Variants in RTN4 observed in about 807,000 individuals in gnomAD.
RTN4 encodes reticulon-4.
A neutral mutation model predicts 90.4 loss-of-function variants in RTN4; 32 were observed. The ratio of observed to expected loss-of-function variants is 0.35; its 90% CI spans 0.27 to 0.48. The LOEUF (loss-of-function observed/expected upper bound fraction) is 0.48, where lower values mean the gene tolerates loss of function less well. Ranked by LOEUF, RTN4 falls within the 20% of genes least tolerant of loss-of-function variation. The probability of loss-of-function intolerance (pLI) is 0.99; values close to 1 mark genes in which losing one functional copy is unlikely to be tolerated. For synonymous variants in RTN4, 629 were observed against 552.5 expected, an observed-to-expected ratio of 1.14 and a Z score of -1.94; for missense variants, 1,706 against 1,430.2, an observed-to-expected ratio of 1.19 and a Z score of -3.11.
At chr2:55,085,798 C>T (rs781363530) in intron 1 of RTN4, among the ~76,000 whole-genome samples, 9 of 152,178 alleles carry the variant, frequency 5.9e-5, no homozygotes, top group Non-Finnish European at 1.3e-4. Flanking sequence ...CCCTTTCTAA[C>T]GTTAGGCCCA....
intron 5 of RTN4, among the ~76,000 whole-genome samples, chr2:54,979,241 A>G (rs1240943862): frequency 2.1e-5 from 3 of 142,582 alleles, no homozygotes; most frequent in Non-Finnish European, 3.1e-5. Context: ...TTTTTTTTTT[A>G]TAGAAACAGT....
intron 1 of RTN4, chr2:55,046,738 T>C (rs1268519815): frequency 6.6e-6 from 1 of 152,240 alleles, no homozygotes; most frequent in Non-Finnish European, 1.5e-5. Flanking sequence ...GAACAAACTC[T>C]TGAATGCATT....
upstream of RTN4, among the ~76,000 whole-genome samples, chr2:55,052,847 G>A (rs575345782): frequency 6.6e-6 from 1 of 152,176 alleles, no homozygotes; most frequent in East Asian, 1.9e-4. Context: ...TGACTGTTCT[G>A]AAATTCCTTA....
At chr2:55,033,788 T>C (rs1015617891) in intron 1 of RTN4, among the ~76,000 whole-genome samples, 4 of 152,250 alleles carry the variant, frequency 2.6e-5, no homozygotes, top group Admixed American at 1.3e-4. Context: ...TGGTAGTACA[T>C]ATGATATTTT....
intron 1 of RTN4, among the ~76,000 whole-genome samples, chr2:55,048,084 C>T (rs1667870600): frequency 6.6e-6 from 1 of 152,180 alleles, no homozygotes; most frequent in Admixed American, 6.5e-5. Flanking sequence ...GGCTACTAAC[C>T]TATACAGGAT....
chr2:55,131,087 G>T, the RTN4 span, among the ~76,000 whole-genome samples: 49 of 151,520 alleles, frequency 3.2e-4, no homozygotes, highest in East Asian at 3.5e-3. Flanking sequence ...GTTTTGGGGG[G>T]TTTTTTTTGA....
At chr2:54,985,153 C>CTTTTTTTTTTT (rs71769973) in intron 4 of RTN4, among the ~76,000 whole-genome samples, 1 of 57,864 alleles carries the variant, frequency 1.7e-5, no homozygotes, top group African/African-American at 7.2e-5. Flanking sequence ...ATGACTCGGC[C>CTTTTTTTTTTT]TTTTTTTTTT....
the RTN4 span, among the ~76,000 whole-genome samples, chr2:55,121,948 C>T: frequency 2.2e-4 from 34 of 151,910 alleles, no homozygotes; most frequent in Non-Finnish European, 4.0e-4. Context: ...AAATTTTAGC[C>T]GTATTTCTGC....
At chr2:55,020,084 T>C (rs1446004040) in intron 3 of RTN4, among the ~76,000 whole-genome samples, 1 of 152,130 alleles carries the variant, frequency 6.6e-6, no homozygotes, top group Non-Finnish European at 1.5e-5. Context: ...CATTCCATGT[T>C]CATGAATCAT....
upstream of RTN4, among the ~76,000 whole-genome samples, chr2:55,055,542 C>T (rs558916194): frequency 7.2e-5 from 11 of 152,114 alleles, 1 homozygote; most frequent in South Asian, 1.0e-3. Flanking sequence ...CCAAGGCAGG[C>T]GGATCACGAG....
chr2:55,121,050 G>A, the RTN4 span, among the ~76,000 whole-genome samples: 1 of 152,136 alleles, frequency 6.6e-6, no homozygotes, highest in Non-Finnish European at 1.5e-5. Flanking sequence ...CAATGCCTTC[G>A]CCAGACTAAA....
At chr2:55,101,773 A>G (rs1445123739) in intron 1 of RTN4, among the ~76,000 whole-genome samples, 1 of 152,160 alleles carries the variant, frequency 6.6e-6, no homozygotes, top group African/African-American at 2.4e-5. Context: ...GAACTGCTGC[A>G]TGTGAATAAA....
intron 1 of RTN4, among the ~76,000 whole-genome samples, chr2:55,086,756 T>C (rs577568296): frequency 6.6e-6 from 1 of 152,126 alleles, no homozygotes; most frequent in African/African-American, 2.4e-5. Context: ...CCATCATCTT[T>C]CCCGCAAAGG....
intron 3 of RTN4, among the ~76,000 whole-genome samples, chr2:55,013,927 CTT>C (rs1242443032): frequency 7.2e-5 from 11 of 152,098 alleles, no homozygotes; most frequent in African/African-American, 2.7e-4. Flanking sequence ...GTACACTGCT[CTT>C]GAGAGCTAAA....
intron 3 of RTN4, among the ~76,000 whole-genome samples, chr2:54,990,802 T>C (rs1254923650): frequency 1.3e-5 from 2 of 152,286 alleles, no homozygotes; most frequent in East Asian, 1.9e-4. Flanking sequence ...CTTTTTTTTT[T>C]TGAGACAGAG....
At chr2:54,986,652 G>A (rs889838904) in intron 4 of RTN4, among the ~76,000 whole-genome samples, 2 of 152,098 alleles carry the variant, frequency 1.3e-5, no homozygotes, top group African/African-American at 4.8e-5. Flanking sequence ...GCATGGTAGT[G>A]GTGTTATGGA....
chr2:55,054,740 G>T (rs537567436), upstream of RTN4, among the ~76,000 whole-genome samples: 1 of 152,166 alleles, frequency 6.6e-6, no homozygotes, highest in Non-Finnish European at 1.5e-5. Context: ...ACTTGCCTGT[G>T]TTCAGGAGCG....
chr2:54,986,929 T>C lies in RTN4; in HGVS notation c.3221+562A>G, dbSNP rs144069203. 9.3e-3 allele frequency among the ~76,000 whole-genome samples: 1,412 copies of C among 152,266 alleles called. 19 individuals carry two copies. Among genetic ancestry groups the C allele is most frequent in the African/African-American group, 0.032 (1,341 of 41,556 alleles). On this transcript the variant is annotated intron_variant, in intron 4 of 8. Transcript: ENST00000337526. Reference sequence around the variant, plus strand: ...GACTCAAGCTGAGGTTGTGTCTCCATAGCAACTATATAATGCTATAGTATA... The same window carrying C: ...GACTCAAGCTGAGGTTGTGTCTCCACAGCAACTATATAATGCTATAGTATA...
At chr2:55,038,171 C>T (rs1057216094) in intron 1 of RTN4, among the ~76,000 whole-genome samples, 2 of 152,212 alleles carry the variant, frequency 1.3e-5, no homozygotes, top group Admixed American at 6.5e-5. Context: ...AAAGCTAAAA[C>T]TATCAAGCTT....
Sources: allele counts gnomAD v4.1 joint callset (sites outside exome capture counted in the v4.1 genomes callset), GRCh38; gene constraint gnomAD v4.1.1; transcripts MANE v1.5; gene names NCBI Gene and HGNC (gene_info 2026-07-23, HGNC 2026-07-21).